TRAPPC9: variants seen among roughly 807,000 people sequenced by gnomAD.
The protein encoded by TRAPPC9 is IKK2 binding protein.
A neutral mutation model predicts 124.0 loss-of-function variants in TRAPPC9; 83 were observed. The observed-to-expected ratio is 0.67, with a 90% confidence interval of 0.56 to 0.80. The LOEUF (loss-of-function observed/expected upper bound fraction) is 0.80. Among genes scored for constraint, TRAPPC9 ranks in the 30% least tolerant of loss-of-function variants. The pLI, the probability that TRAPPC9 is intolerant of heterozygous loss-of-function variation, is 0.00. For missense variants in TRAPPC9, 1,302 were observed against 1,508.3 expected (o/e 0.86, Z 2.27); for synonymous variants, 638 against 617.5 (o/e 1.03, Z -0.49).
intron 21 of TRAPPC9, among the ~76,000 whole-genome samples, chr8:139,762,785 A>G (rs1253231676): frequency 1.3e-5 from 2 of 152,166 alleles, no homozygotes; most frequent in Non-Finnish European, 2.9e-5. Context: ...GGAGAGCCCC[A>G]AGCAGCTGTC....
At chr8:140,297,470 G>C (rs1283990445) in intron 11 of TRAPPC9, among the ~76,000 whole-genome samples, 1 of 152,086 alleles carries the variant, frequency 6.6e-6, no homozygotes, top group Admixed American at 6.5e-5. Context: ...TTCTAGAGTA[G>C]ATTATATAGT....
chr8:140,200,658 T>C (rs1263879919), intron 17 of TRAPPC9, among the ~76,000 whole-genome samples: 1 of 151,958 alleles, frequency 6.6e-6, no homozygotes, highest in Non-Finnish European at 1.5e-5. Context: ...CTCAGTACTC[T>C]CAACGTCACG....
chr8:140,300,326 C>T (rs1588119796), intron 11 of TRAPPC9, 143 bp downstream of exon 11: 8 of 1,049,810 alleles, frequency 7.6e-6, no homozygotes, highest in Non-Finnish European at 1.2e-5. Flanking sequence ...CACATATACA[C>T]ACATATGCAT....
chr8:140,182,540 C>T lies in TRAPPC9; in HGVS notation c.2556+38919G>A, dbSNP rs1389258885. Among the ~76,000 whole-genome samples the T allele has an allele frequency of 6.6e-6, 1 of 152,172 alleles. No individual in the cohort carries two copies. Among genetic ancestry groups the T allele is most frequent in the Non-Finnish European group, 1.5e-5 (1 of 68,032 alleles). ...CATACTATTTTAAGGCAATTTAGTG[C>T]ACGCTGATCTAAGCTCACTGATCGA... On this transcript the variant is annotated intron_variant, in intron 17 of 22. Transcript: ENST00000438773. The surrounding 1 kb of genome is among the most constrained non-coding windows in gnomAD (Gnocchi z 4.0).
chr8:139,886,906 CT>C, intron 20 of TRAPPC9, among the ~76,000 whole-genome samples: 1 of 152,308 alleles, frequency 6.6e-6, no homozygotes, highest in East Asian at 1.9e-4. Context: ...AACAAAGCTC[CT>C]GCAGTCTGAG....
At chr8:140,140,280 C>T (rs1041065393) in intron 17 of TRAPPC9, among the ~76,000 whole-genome samples, 2 of 152,194 alleles carry the variant, frequency 1.3e-5, no homozygotes, top group Non-Finnish European at 2.9e-5. Context: ...TAAACCACTC[C>T]TTCGCATGTT....
At chr8:140,344,782 C>T (rs1044264132) in intron 9 of TRAPPC9, among the ~76,000 whole-genome samples, 2 of 152,248 alleles carry the variant, frequency 1.3e-5, no homozygotes, top group African/African-American at 4.8e-5. Context: ...TGAGGAGAAA[C>T]ATCAGGTGGA....
chr8:140,129,422 G>A (rs1299577843), intron 17 of TRAPPC9, among the ~76,000 whole-genome samples: 2 of 152,202 alleles, frequency 1.3e-5, no homozygotes, highest in Non-Finnish European at 2.9e-5. Context: ...CAGGCCATGT[G>A]AAGAGCCCAA....
At position 139,748,752 on chromosome 8, in the gene TRAPPC9, C is replaced by T. The variant is rs184732246; in HGVS notation, c.3056-16550G>A. ...CTCTGTTGCTGCCCTCGGCATTCTG[C>T]ACCTTGTGCCCATGTGTGCCACCTA... On this transcript the variant is annotated intron_variant, in intron 21 of 22. Coordinates refer to ENST00000438773, the MANE Select transcript of TRAPPC9 (RefSeq NM_001160372.4). Among the ~76,000 whole-genome samples the T allele has an allele frequency of 4.1e-3, 619 of 152,182 alleles. 9 individuals are homozygous for T. Among genetic ancestry groups the T allele is most frequent in the African/African-American group, 0.015 (606 of 41,494 alleles).
chr8:140,397,722 C>A lies in TRAPPC9; in HGVS notation c.1032G>T (p.Glu344Asp). ...YSKYKNAGVI[E>D]LEACIKAVRV... ...GTACAGCCTTGATGCACGCTTCCAA[C>A]TCAATCACTCCCGCATTCTTATACT... Residue 344 changes from glutamate (E) to aspartate (D), a missense_variant, in exon 7 of 23, where the codon GAG becomes GAT. Coordinates refer to ENST00000438773, the MANE Select transcript of TRAPPC9 (RefSeq NM_001160372.4). 1 of 1,614,192 alleles carries A rather than the reference C, an allele frequency of 6.2e-7. No homozygotes were observed. The highest frequency in any genetic ancestry group is 1.1e-5 in the South Asian group (1 of 91,086).
At chr8:139,817,477 T>C (rs549008368) in intron 21 of TRAPPC9, among the ~76,000 whole-genome samples, 2 of 152,260 alleles carry the variant, frequency 1.3e-5, no homozygotes, top group African/African-American at 4.8e-5. Context: ...TCAGTGCTGC[T>C]CCAGGCAGCC....
intron 18 of TRAPPC9, among the ~76,000 whole-genome samples, chr8:140,018,873 C>T (rs886434764): frequency 5.1e-5 from 6 of 117,528 alleles, no homozygotes; most frequent in East Asian, 5.5e-4. Flanking sequence ...ACGGTGGAAA[C>T]GTGCCTTGTT....
intron 21 of TRAPPC9, among the ~76,000 whole-genome samples, chr8:139,839,023 T>G (rs1204721900): frequency 6.6e-6 from 1 of 152,168 alleles, no homozygotes; most frequent in African/African-American, 2.4e-5. Flanking sequence ...GAAGGCCCTA[T>G]TTAGAAGATG....
chr8:140,431,893 CTT>C (rs2070659381), intron 4 of TRAPPC9, among the ~76,000 whole-genome samples: 1 of 152,200 alleles, frequency 6.6e-6, no homozygotes, highest in Non-Finnish European at 1.5e-5. Flanking sequence ...GTTTCTATCT[CTT>C]TTATAAATCA....
intron 2 of TRAPPC9, among the ~76,000 whole-genome samples, chr8:140,439,849 T>C (rs961139275): frequency 2.2e-5 from 3 of 138,286 alleles, no homozygotes; most frequent in Non-Finnish European, 4.8e-5. Context: ...GTTATATTTC[T>C]TAAGATAGAT....
At chr8:140,068,055 C>CTA (rs1842968412) in intron 17 of TRAPPC9, among the ~76,000 whole-genome samples, 1 of 152,178 alleles carries the variant, frequency 6.6e-6, no homozygotes, top group Non-Finnish European at 1.5e-5. Flanking sequence ...TTGCACTTAC[C>CTA]TATAGTATGT....
rs114642532 is a variant in TRAPPC9 at position 139,814,628 on chromosome 8, C to T, written c.3055+71251G>A. ...AATACTAACTTTTCCAGTTGTACAGCCAATAAGTAGCAGGGCTAGAACCTG... is the reference window on the plus strand; with the variant it reads ...AATACTAACTTTTCCAGTTGTACAGTCAATAAGTAGCAGGGCTAGAACCTG... On this transcript the variant is annotated intron_variant, in intron 21 of 22. Transcript: ENST00000438773. 3.6e-3 allele frequency among the ~76,000 whole-genome samples: 554 copies of T among 152,122 alleles called. 3 individuals are homozygous for T. The highest frequency in any genetic ancestry group is 0.012 in the African/African-American group (505 of 41,480).
chr8:140,089,693 C>T (rs1844436422), intron 17 of TRAPPC9, among the ~76,000 whole-genome samples: 1 of 152,098 alleles, frequency 6.6e-6, no homozygotes, highest in African/African-American at 2.4e-5. Flanking sequence ...ATCACAGATT[C>T]CCAGAGCCAA....
At position 140,308,460 on chromosome 8, in the gene TRAPPC9, C is replaced by T. The variant is rs1377046970; in HGVS notation, c.1622+2788G>A. 2.6e-5 allele frequency among the ~76,000 whole-genome samples: 4 copies of T among 152,004 alleles called. No individual in the cohort carries two copies. The South Asian group carries it at 6.2e-4, about 24-fold the overall frequency. On this transcript the variant is annotated intron_variant, in intron 10 of 22. Transcript: ENST00000438773. ...TTCTTCTTCCCAGTTTTCAATGAGA[C>T]CAGGTACGATCCACGTGAGGAAGGA...
Sources: gnomAD v4.1 joint callset for allele counts (sites outside exome capture counted in the v4.1 genomes callset) on GRCh38, gnomAD v4.1.1 for gene constraint, Gnocchi (gnomAD v3.1) non-coding constraint, MANE v1.5 for transcripts, NCBI Gene and HGNC (gene_info 2026-07-23, HGNC 2026-07-21) for gene names.